The following CAPN7 variants were observed in gnomAD, a reference collection of about 807,000 sequenced individuals.
CAPN7 encodes the protein calpain-7.
In CAPN7, 72 loss-of-function variants were observed where a neutral mutation model predicts 115.2. The observed-to-expected ratio is 0.63, with a 90% confidence interval of 0.52 to 0.76. CAPN7 has a LOEUF of 0.76. CAPN7 is among the 30% of genes least tolerant of loss of function. CAPN7 has a pLI of 0.00. For missense variants in CAPN7, 905 were observed against 971.5 expected (o/e 0.93, Z 0.91); for synonymous variants, 344 against 322.3 (o/e 1.07, Z -0.72).
intron 5 of CAPN7, 193 bp downstream of exon 5, chr3:15,221,174 T>C: frequency 2.3e-6 from 1 of 444,314 alleles, no homozygotes; most frequent in Admixed American, 3.9e-5. Flanking sequence ...TTATTTTATT[T>C]TATTATTTTC....
intron 7 of CAPN7, among the ~76,000 whole-genome samples, chr3:15,228,712 A>T (rs1694480443): frequency 6.6e-6 from 1 of 152,204 alleles, no homozygotes; most frequent in African/African-American, 2.4e-5. Context: ...TTGAGCGTGG[A>T]GGATAGGAGG....
intron 10 of CAPN7, among the ~76,000 whole-genome samples, chr3:15,233,543 A>G (rs950484726): frequency 6.6e-6 from 1 of 152,214 alleles, no homozygotes; most frequent in Non-Finnish European, 1.5e-5. Flanking sequence ...AACATGAGGA[A>G]CATCATTGCA....
chr3:15,226,072 G>T (rs894145198), intron 6 of CAPN7, among the ~76,000 whole-genome samples: 53 of 151,428 alleles, frequency 3.5e-4, no homozygotes, highest in Non-Finnish European at 6.9e-4. Flanking sequence ...ATAATTGTAA[G>T]TTTTTTTATT....
At chr3:15,232,153 A>C (rs1018554847) in intron 9 of CAPN7, 1 of 406,426 alleles carries the variant, frequency 2.5e-6, no homozygotes, top group Non-Finnish European at 4.8e-6. Flanking sequence ...AATCCAAAAC[A>C]CTCCAGTAAG....
intron 18 of CAPN7, 56 bp downstream of exon 18, chr3:15,246,850 C>T: frequency 7.9e-7 from 1 of 1,267,994 alleles, no homozygotes; most frequent in Non-Finnish European, 1.1e-6. Flanking sequence ...TTTAAATTCC[C>T]TTTCCCATTT....
intron 9 of CAPN7, among the ~76,000 whole-genome samples, chr3:15,231,767 A>G (rs1351853556): frequency 6.6e-6 from 1 of 152,024 alleles, no homozygotes; most frequent in Non-Finnish European, 1.5e-5. Flanking sequence ...TGACCTCATG[A>G]TCCTCCCGCC....
chr3:15,247,318 T>G lies in CAPN7; in HGVS notation c.2074-9T>G. 1.3e-6 allele frequency: 2 copies of G among 1,535,642 alleles called. No individual in the cohort carries two copies. The highest frequency in any genetic ancestry group is 8.7e-7 in the Non-Finnish European group (1 of 1,146,722). On this transcript the variant is annotated splice_polypyrimidine_tract_variant and intron_variant, in intron 18 of 20. Coordinates refer to ENST00000253693, the MANE Select transcript of CAPN7 (RefSeq NM_014296.3). The stretch of plus-strand genomic sequence containing the variant: ...ATTTTGTTAATACTAAAACTTTTGT[T>G]TTTATTAGATTAATGGAAAGTGGAG...
intron 14 of CAPN7, 83 bp from the exon 15 acceptor site, chr3:15,241,370 T>G (rs1361707352): frequency 7.1e-7 from 1 of 1,411,618 alleles, no homozygotes; most frequent in African/African-American, 1.4e-5. Context: ...CTTGGATAGC[T>G]TAATTCACTT....
chr3:15,213,224 T>A (rs3872640), intron 2 of CAPN7, among the ~76,000 whole-genome samples: 4 of 152,196 alleles, frequency 2.6e-5, no homozygotes, highest in African/African-American at 9.7e-5. Context: ...TCATAACCAG[T>A]GTTTTCAAAT....
At chr3:15,221,064 G>C in intron 5 of CAPN7, 83 bp downstream of exon 5, 2 of 1,079,460 alleles carry the variant, frequency 1.9e-6, no homozygotes, top group South Asian at 1.4e-5. Context: ...TTGCTGAATT[G>C]TATTCAGATT....
At chr3:15,235,180 G>C in intron 12 of CAPN7, 35 bp downstream of exon 12, 1 of 1,560,086 alleles carries the variant, frequency 6.4e-7, no homozygotes, top group Non-Finnish European at 8.7e-7. Context: ...TATTTTTCTT[G>C]TTGGATAAGA....
intron 11 of CAPN7, among the ~76,000 whole-genome samples, chr3:15,234,294 C>A (rs1694863974): frequency 6.6e-6 from 1 of 151,930 alleles, no homozygotes; most frequent in African/African-American, 2.4e-5. Context: ...CCAGCCTGGG[C>A]AACAAGAGCA....
At chr3:15,249,025 C>CAA (rs59492817) in intron 19 of CAPN7, among the ~76,000 whole-genome samples, 6 of 130,760 alleles carry the variant, frequency 4.6e-5, no homozygotes, top group African/African-American at 1.5e-4. Flanking sequence ...AAAAAAAAAA[C>CAA]AAAAACAGAA....
At chr3:15,244,691 G>A (rs1695553165) in intron 16 of CAPN7, among the ~76,000 whole-genome samples, 1 of 152,152 alleles carries the variant, frequency 6.6e-6, no homozygotes, top group African/African-American at 2.4e-5. Context: ...AAATTTTATT[G>A]TATCAGGCTT....
Position 15,211,624 on chromosome 3 carries a change from G to C in CAPN7, c.103-480G>C, listed in dbSNP as rs372117191. Among the ~76,000 whole-genome samples the C allele has an allele frequency of 1.6e-4, 24 of 152,196 alleles. No individual in the cohort carries two copies. The South Asian group carries it at 5.0e-3, about 32-fold the overall frequency. On this transcript the variant is annotated intron_variant, in intron 1 of 20. Transcript: ENST00000253693. Reference sequence around the variant, plus strand: ...AAAAGTATGATTTGGGCCAGGTGTGGTGGCTCATGCCTGTAATCCCAGCAC... The same window carrying C: ...AAAAGTATGATTTGGGCCAGGTGTGCTGGCTCATGCCTGTAATCCCAGCAC...
chr3:15,220,517 C>T lies in CAPN7; in HGVS notation c.438-264C>T, dbSNP rs76107127. ...CCTTAAGGGTAGGGATTGTTTTATA[C>T]GTTCTTTTATACCACTTACCTTACC... is the stretch of plus-strand genomic sequence containing the variant. On this transcript the variant is annotated intron_variant, in intron 4 of 20. Coordinates refer to ENST00000253693, the MANE Select transcript of CAPN7 (RefSeq NM_014296.3). Among the ~76,000 whole-genome samples the T allele has an allele frequency of 1.9e-3, 289 of 152,290 alleles. 2 individuals carry two copies. Among genetic ancestry groups the T allele is most frequent in the Admixed American group, 4.9e-3 (75 of 15,296 alleles).
chr3:15,210,361 A>T (rs2044861733), intron 1 of CAPN7, among the ~76,000 whole-genome samples: 1 of 152,180 alleles, frequency 6.6e-6, no homozygotes, highest in Admixed American at 6.5e-5. Flanking sequence ...TTATATACTT[A>T]TATAATTTAC....
chr3:15,240,546 T>TA lies in CAPN7; in HGVS notation c.1487dup (p.Asn496LysfsTer13). 2 of 1,613,326 alleles carry TA rather than the reference T, an allele frequency of 1.2e-6. No homozygotes were observed. Among genetic ancestry groups the TA allele is most frequent in the Non-Finnish European group, 1.7e-6 (2 of 1,179,742 alleles). On this transcript the variant is annotated frameshift_variant, in exon 13 of 21. Coordinates refer to ENST00000253693, the MANE Select transcript of CAPN7 (RefSeq NM_014296.3). LOFTEE classifies it high-confidence loss of function. ...AAAGGAAGATACAGTGAAAATGATG[T>TA]AAAAAACTGGACTCCAGAGTTGCAA...
At chr3:15,226,315 C>T (rs1207135143) in intron 6 of CAPN7, among the ~76,000 whole-genome samples, 1 of 151,996 alleles carries the variant, frequency 6.6e-6, no homozygotes, top group Non-Finnish European at 1.5e-5. Context: ...CTCAAGTGAT[C>T]CGCCCGCCTC....
Sources: gnomAD v4.1 joint callset for allele counts (sites outside exome capture counted in the v4.1 genomes callset) on GRCh38, gnomAD v4.1.1 for gene constraint, MANE v1.5 for transcripts, NCBI Gene and HGNC (gene_info 2026-07-23, HGNC 2026-07-21) for gene names.